Variants in IL1RAPL1 observed in about 807,000 individuals in gnomAD.
The protein encoded by IL1RAPL1 is interleukin-1 receptor accessory protein-like 1.
Under a neutral mutation model 48.4 loss-of-function variants are expected in IL1RAPL1, and 3 were observed. The ratio of observed to expected loss-of-function variants is 0.06; its 90% CI spans 0.03 to 0.16. IL1RAPL1 has a LOEUF of 0.16. Ranked by LOEUF, IL1RAPL1 falls within the 10% of genes least tolerant of loss-of-function variation. IL1RAPL1 has a pLI of 1.00. For missense variants in IL1RAPL1, 349 were observed against 530.6 expected (o/e 0.66, Z 3.36); for synonymous variants, 185 against 187.7 (o/e 0.99, Z 0.12).
At chrX:29,905,665 A>G (rs1932597036) in intron 6 of IL1RAPL1, among the ~76,000 whole-genome samples, 1 of 111,476 alleles carries the variant, frequency 9.0e-6, no homozygotes, top group African/African-American at 3.3e-5. Flanking sequence ...TTATATTTGA[A>G]AAAAAGGGGG....
At chrX:29,383,702 C>A (rs1472748666) in intron 3 of IL1RAPL1, among the ~76,000 whole-genome samples, 4 of 111,669 alleles carry the variant, frequency 3.6e-5, no homozygotes, top group African/African-American at 9.7e-5. Context: ...TCCATTCTAG[C>A]AAGAAATCTC....
In IL1RAPL1 at chrX:28,684,047, A is replaced by T. The variant is rs111991759; in HGVS notation, c.-25+96000A>T. 6.3e-3 allele frequency among the ~76,000 whole-genome samples: 703 copies of T among 112,366 alleles called. 11 individuals are homozygous for T. The highest frequency in any genetic ancestry group is 0.021 in the African/African-American group (654 of 30,985). Reference sequence around the variant, plus strand: ...TTGGACATGGACATCTTTGGAGGACATTGTTCTGTTTACCATAGCTTGACC... The same window carrying T: ...TTGGACATGGACATCTTTGGAGGACTTTGTTCTGTTTACCATAGCTTGACC... On this transcript the variant is annotated intron_variant, in intron 1 of 10. Coordinates refer to ENST00000378993, the MANE Select transcript of IL1RAPL1 (RefSeq NM_014271.4).
rs574294497 is a variant in IL1RAPL1, at chrX:29,171,134, T to A, written c.83-111804T>A. On this transcript the variant is annotated intron_variant, in intron 2 of 10. Coordinates refer to ENST00000378993, the MANE Select transcript of IL1RAPL1 (RefSeq NM_014271.4). ...GCCTCAGCCTCCCGAGTAGCTGGGATTACAGATGCCCACCACCATGCCCGG... is the reference window on the plus strand; with the variant it reads ...GCCTCAGCCTCCCGAGTAGCTGGGAATACAGATGCCCACCACCATGCCCGG... Among the ~76,000 whole-genome samples, 18 of 110,887 alleles carry A rather than the reference T, an allele frequency of 1.6e-4. No homozygotes were observed. The South Asian group carries it at 7.0e-3, about 43-fold the overall frequency.
At chrX:29,137,894 G>A (rs1236221064) in intron 2 of IL1RAPL1, among the ~76,000 whole-genome samples, 2 of 112,433 alleles carry the variant, frequency 1.8e-5, no homozygotes, top group Admixed American at 9.4e-5. Context: ...GAAATTAAAT[G>A]TGCCAGATTT....
intron 5 of IL1RAPL1, among the ~76,000 whole-genome samples, chrX:29,431,550 A>ATAT (rs1371101634): frequency 8.9e-6 from 1 of 112,106 alleles, no homozygotes; most frequent in Non-Finnish European, 1.9e-5. Flanking sequence ...TCAAGAAAAT[A>ATAT]TATTATTCCT....
intron 1 of IL1RAPL1, among the ~76,000 whole-genome samples, chrX:28,787,114 T>C (rs972876914): frequency 1.8e-5 from 2 of 112,384 alleles, no homozygotes; most frequent in African/African-American, 3.2e-5. Context: ...AAATTGATGC[T>C]TTCCACACAT....
intron 2 of IL1RAPL1, among the ~76,000 whole-genome samples, chrX:29,230,496 C>T (rs1195560094): frequency 2.8e-4 from 5 of 17,906 alleles, no homozygotes; most frequent in African/African-American, 1.5e-3. Flanking sequence ...TCATTATGGT[C>T]CCTTTACCAA....
chrX:28,710,229 T>A (rs867414277), intron 1 of IL1RAPL1, among the ~76,000 whole-genome samples: 23 of 110,870 alleles, frequency 2.1e-4, no homozygotes, highest in Admixed American at 6.8e-4. Flanking sequence ...TTCTTGGAGC[T>A]TACATTCTTG....
intron 6 of IL1RAPL1, among the ~76,000 whole-genome samples, chrX:29,905,919 G>T (rs1050702491): frequency 9.0e-6 from 1 of 111,294 alleles, no homozygotes; most frequent in Non-Finnish European, 1.9e-5. Context: ...ACAGATTAAA[G>T]AAATGTTGAG....
At chrX:29,767,470 G>A (rs1928943092) in intron 6 of IL1RAPL1, among the ~76,000 whole-genome samples, 1 of 111,902 alleles carries the variant, frequency 8.9e-6, no homozygotes, top group African/African-American at 3.2e-5. Context: ...AATCTAAATG[G>A]TGAAAGGAAA....
chrX:29,663,464 G>T (rs1173584289), intron 5 of IL1RAPL1, among the ~76,000 whole-genome samples: 1 of 112,053 alleles, frequency 8.9e-6, no homozygotes, highest in African/African-American at 3.2e-5. Flanking sequence ...ATGACTCTAT[G>T]TCTTACTCAT....
chrX:29,459,697 T>TAC (rs1461224266), intron 5 of IL1RAPL1, among the ~76,000 whole-genome samples: 2 of 111,978 alleles, frequency 1.8e-5, no homozygotes, highest in Admixed American at 1.9e-4. Context: ...GAAATATATA[T>TAC]ACATTGTGAA....
At chrX:29,492,258 C>T (rs1018913995) in intron 5 of IL1RAPL1, among the ~76,000 whole-genome samples, 4 of 112,198 alleles carry the variant, frequency 3.6e-5, no homozygotes, top group Non-Finnish European at 7.5e-5. Context: ...TTTTATGCTT[C>T]GTGTATTTTC....
At chrX:29,813,966 A>G (rs1283452733) in intron 6 of IL1RAPL1, among the ~76,000 whole-genome samples, 1 of 111,799 alleles carries the variant, frequency 8.9e-6, no homozygotes, top group African/African-American at 3.3e-5. Flanking sequence ...TGTATGCACC[A>G]CATTTTCTTT....
chrX:28,613,470 G>T (rs1934177054), intron 1 of IL1RAPL1, among the ~76,000 whole-genome samples: 1 of 113,106 alleles, frequency 8.8e-6, no homozygotes, highest in African/African-American at 3.2e-5. Context: ...CAGAAGGACG[G>T]CCTGAGGCCT....
chrX:29,216,463 G>A (rs1371394342), intron 2 of IL1RAPL1, among the ~76,000 whole-genome samples: 1 of 111,127 alleles, frequency 9.0e-6, no homozygotes, highest in African/African-American at 3.3e-5. Flanking sequence ...CAAAAGTGCT[G>A]GAATTACAGG....
chrX:29,560,674 C>G (rs1286092115), intron 5 of IL1RAPL1, among the ~76,000 whole-genome samples: 1 of 111,938 alleles, frequency 8.9e-6, no homozygotes, highest in Non-Finnish European at 1.9e-5. Flanking sequence ...TCATTGTATT[C>G]ATTATATTCT....
chrX:29,713,778 G>A (rs1927414340), intron 6 of IL1RAPL1, among the ~76,000 whole-genome samples: 1 of 111,988 alleles, frequency 8.9e-6, no homozygotes, highest in African/African-American at 3.2e-5. Flanking sequence ...CAGATGCTAT[G>A]GCTTCAAGTA....
intron 5 of IL1RAPL1, among the ~76,000 whole-genome samples, chrX:29,567,157 A>G (rs943697690): frequency 9.0e-6 from 1 of 111,051 alleles, no homozygotes; most frequent in Non-Finnish European, 1.9e-5. Flanking sequence ...ATCCACCTAT[A>G]GAAATCAAGG....
Sources: allele counts gnomAD v4.1 joint callset (sites outside exome capture counted in the v4.1 genomes callset), GRCh38; gene constraint gnomAD v4.1.1; transcripts MANE v1.5; gene names NCBI Gene and HGNC (gene_info 2026-07-23, HGNC 2026-07-21).